The following AFG1L variants were observed in gnomAD, a reference collection of about 807,000 sequenced individuals.
AFG1L encodes AFG1-like ATPase.
A neutral mutation model predicts 62.2 loss-of-function variants in AFG1L; 53 were observed. The observed-to-expected ratio is 0.85, with a 90% CI of 0.68 to 1.07. The LOEUF (loss-of-function observed/expected upper bound fraction) is 1.07, where lower values mean the gene tolerates loss of function less well. AFG1L is among the 50% of genes least tolerant of loss of function. The pLI, the probability that AFG1L is intolerant of heterozygous loss-of-function variation, is 0.00. For missense variants in AFG1L, 555 were observed against 590.5 expected (o/e 0.94, Z 0.62); for synonymous variants, 228 against 210.3 (o/e 1.08, Z -0.73).
intron 10 of AFG1L, among the ~76,000 whole-genome samples, chr6:108,485,312 T>C (rs1026557112): frequency 3.9e-5 from 6 of 152,202 alleles, no homozygotes; most frequent in South Asian, 2.1e-4. Flanking sequence ...TTATGTCATG[T>C]TGTTAGCTGA....
intron 8 of AFG1L, among the ~76,000 whole-genome samples, chr6:108,456,739 C>T (rs1019846509): frequency 1.1e-4 from 16 of 152,100 alleles, no homozygotes; most frequent in Non-Finnish European, 2.9e-5. Context: ...GTAATATAAT[C>T]ATGCACCGCA....
At chr6:108,488,590 C>A (rs993491362) in intron 10 of AFG1L, among the ~76,000 whole-genome samples, 1 of 151,886 alleles carries the variant, frequency 6.6e-6, no homozygotes, top group African/African-American at 2.4e-5. Context: ...CAGTGGCTCA[C>A]GCCTGTAATC....
intron 10 of AFG1L, among the ~76,000 whole-genome samples, chr6:108,488,197 A>G (rs528759469): frequency 7.2e-5 from 11 of 152,290 alleles, no homozygotes; most frequent in African/African-American, 2.4e-4. Flanking sequence ...CATCCACCAA[A>G]TATTTATAGA....
chr6:108,520,432 C>A (rs1775080502), intron 12 of AFG1L: 1 of 152,170 alleles, frequency 6.6e-6, no homozygotes, highest in South Asian at 2.1e-4. Flanking sequence ...TGGTGATTCA[C>A]CCCAGGCCAA....
chr6:108,420,031 C>T (rs1272387764), intron 7 of AFG1L, among the ~76,000 whole-genome samples: 1 of 152,062 alleles, frequency 6.6e-6, no homozygotes, highest in Non-Finnish European at 1.5e-5. Flanking sequence ...TCAGTTTGTT[C>T]ATTGTAACTT....
At chr6:108,466,669 C>T (rs1389192166) in intron 8 of AFG1L, among the ~76,000 whole-genome samples, 1 of 151,270 alleles carries the variant, frequency 6.6e-6, no homozygotes, top group Non-Finnish European at 1.5e-5. Context: ...AAAAATCGAT[C>T]CTGGCAGCAC....
chr6:108,359,665 TG>T (rs1779446069), intron 5 of AFG1L: 1 of 152,284 alleles, frequency 6.6e-6, no homozygotes, highest in Non-Finnish European at 1.5e-5. Context: ...GCCTTGGACT[TG>T]TATGGTGTGG....
intron 11 of AFG1L, among the ~76,000 whole-genome samples, chr6:108,514,256 C>G (rs1055419334): frequency 6.6e-6 from 1 of 152,070 alleles, no homozygotes; most frequent in Non-Finnish European, 1.5e-5. Flanking sequence ...GAACAAAGAT[C>G]GGGTTATCCA....
intron 7 of AFG1L, among the ~76,000 whole-genome samples, chr6:108,441,160 T>A (rs1771529781): frequency 6.6e-6 from 1 of 152,238 alleles, no homozygotes; most frequent in African/African-American, 2.4e-5. Context: ...ATGTCTTTAT[T>A]CTTTGTTCCA....
At chr6:108,345,225 A>G (rs1778820253) in intron 2 of AFG1L, among the ~76,000 whole-genome samples, 1 of 151,700 alleles carries the variant, frequency 6.6e-6, no homozygotes, top group South Asian at 2.1e-4. Flanking sequence ...GGCTCAAGCA[A>G]TCCTAATGCC....
At chr6:108,471,975 T>C (rs1005620680) in intron 8 of AFG1L, among the ~76,000 whole-genome samples, 5 of 152,136 alleles carry the variant, frequency 3.3e-5, no homozygotes, top group Non-Finnish European at 4.4e-5. Context: ...AATGGATAAA[T>C]TGTGGTCTAT....
intron 6 of AFG1L, among the ~76,000 whole-genome samples, chr6:108,368,735 C>A (rs1328065953): frequency 6.6e-6 from 1 of 152,104 alleles, no homozygotes; most frequent in Non-Finnish European, 1.5e-5. Context: ...TTTTGGAAGC[C>A]CTTTAGCAAA....
At chr6:108,351,614 G>A (rs1779082453) in intron 3 of AFG1L, among the ~76,000 whole-genome samples, 1 of 152,198 alleles carries the variant, frequency 6.6e-6, no homozygotes, top group African/African-American at 2.4e-5. Flanking sequence ...AATAGAAGTG[G>A]TGCGTGTAGA....
At chr6:108,390,892 T>C (rs1003181539) in intron 6 of AFG1L, among the ~76,000 whole-genome samples, 4 of 152,084 alleles carry the variant, frequency 2.6e-5, no homozygotes, top group Non-Finnish European at 5.9e-5. Flanking sequence ...TCTTCAAAGC[T>C]CAGTTGGAAA....
At chr6:108,492,751 C>T (rs1313202946) in intron 10 of AFG1L, among the ~76,000 whole-genome samples, 1 of 151,402 alleles carries the variant, frequency 6.6e-6, no homozygotes, top group Non-Finnish European at 1.5e-5. Flanking sequence ...TTTGTATCTA[C>T]TGGATTGCTA....
intron 8 of AFG1L, among the ~76,000 whole-genome samples, 197 bp from the exon 9 acceptor site, chr6:108,476,668 T>G (rs1032715666): frequency 6.6e-6 from 1 of 152,232 alleles, no homozygotes; most frequent in Non-Finnish European, 1.5e-5. Flanking sequence ...TTTCAGTGTA[T>G]GCAAATAAGG....
chr6:108,421,821 T>G (rs976749891), intron 7 of AFG1L, among the ~76,000 whole-genome samples: 6 of 152,108 alleles, frequency 3.9e-5, no homozygotes, highest in African/African-American at 1.4e-4. Flanking sequence ...TCAACACTTC[T>G]TTTTTCTTCT....
chr6:108,324,159 G>A (rs578208181), intron 2 of AFG1L, 111 bp downstream of exon 2: 7 of 718,300 alleles, frequency 9.7e-6, no homozygotes, highest in Non-Finnish European at 1.4e-5. Flanking sequence ...ATTTTCACCA[G>A]TTCCTTTACA....
chr6:108,520,903 G>A (rs1490619939), intron 12 of AFG1L: 7 of 152,218 alleles, frequency 4.6e-5, no homozygotes, highest in Admixed American at 1.3e-4. Context: ...GGTGGAAGGG[G>A]TGAGGGATCT....
Sources: gnomAD v4.1 joint callset for allele counts (sites outside exome capture counted in the v4.1 genomes callset) on GRCh38, gnomAD v4.1.1 for gene constraint, MANE v1.5 for transcripts, NCBI Gene and HGNC (gene_info 2026-07-23, HGNC 2026-07-21) for gene names.